ANXA4: variants seen among roughly 807,000 people sequenced by gnomAD.
ANXA4 encodes 35-beta calcimedin.
In ANXA4, 39 loss-of-function variants were observed where a neutral mutation model predicts 49.8. The ratio of observed to expected loss-of-function variants is 0.78; its 90% CI spans 0.61 to 1.02. The LOEUF (loss-of-function observed/expected upper bound fraction) is 1.02, where lower values mean the gene tolerates loss of function less well. ANXA4 is among the 50% of genes least tolerant of loss of function. ANXA4 has a pLI of 0.00. For synonymous variants in ANXA4, 134 were observed against 152.5 expected, an observed-to-expected ratio of 0.88 and a Z score of 0.89; for missense variants, 360 against 410.1, an observed-to-expected ratio of 0.88 and a Z score of 1.05.
chr2:69,707,532 G>A (rs374984314), intron 2 of ANXA4, among the ~76,000 whole-genome samples: 194 of 152,140 alleles, frequency 1.3e-3, no homozygotes, highest in African/African-American at 4.7e-3. Context: ...TCTCATAACC[G>A]TGGAACCCCA....
chr2:69,744,330 AAAAC>A (rs1670527198), intron 1 of ANXA4, among the ~76,000 whole-genome samples: 1 of 152,156 alleles, frequency 6.6e-6, no homozygotes, highest in Non-Finnish European at 1.5e-5. Flanking sequence ...CAAACAAACA[AAAAC>A]AAGAGGAGGA....
At chr2:69,754,213 C>T (rs994121518) in intron 1 of ANXA4, among the ~76,000 whole-genome samples, 9 of 152,234 alleles carry the variant, frequency 5.9e-5, no homozygotes, top group African/African-American at 1.9e-4. Flanking sequence ...TTATAACTTC[C>T]CCCATTAACA....
intron 3 of ANXA4, among the ~76,000 whole-genome samples, chr2:69,792,799 A>C (rs1297542279): frequency 6.6e-6 from 1 of 152,204 alleles, no homozygotes; most frequent in Non-Finnish European, 1.5e-5. Flanking sequence ...AGTAATTTTT[A>C]ACTTTAATGT....
intron 2 of ANXA4, among the ~76,000 whole-genome samples, chr2:69,661,231 A>G (rs1290125853): frequency 1.3e-5 from 2 of 152,030 alleles, no homozygotes; most frequent in Non-Finnish European, 2.9e-5. Flanking sequence ...CAAAAAAAAA[A>G]AAAAAAGCTG....
intron 1 of ANXA4, among the ~76,000 whole-genome samples, chr2:69,749,802 ATAATCCCAGC>A (rs1294502995): frequency 7.9e-5 from 12 of 151,880 alleles, no homozygotes. Context: ...GTGCACGCAC[ATAATCCCAGC>A]TTCTAGGGAG....
At chr2:69,718,802 TACAC>T (rs200921932) in intron 2 of ANXA4, among the ~76,000 whole-genome samples, 15 of 151,784 alleles carry the variant, frequency 9.9e-5, no homozygotes, top group South Asian at 4.2e-4. Flanking sequence ...CATACGTGCA[TACAC>T]ACACATGCTG....
rs148266813 is a variant in ANXA4 at position 69,694,087 on chromosome 2, C to G, written n.767-26687C>G. Among the ~76,000 whole-genome samples the G allele has an allele frequency of 4.6e-3, 698 of 152,284 alleles. 5 individuals carry two copies. Among genetic ancestry groups the G allele is most frequent in the Middle Eastern group, 0.031 (9 of 294 alleles). ...AACACTGTTTACCAGTTGCTATGGTCTGAATGTTTGTGTCTCCCCTCAACC... is the reference window on the plus strand; with the variant it reads ...AACACTGTTTACCAGTTGCTATGGTGTGAATGTTTGTGTCTCCCCTCAACC... On this transcript the variant is annotated intron_variant and non_coding_transcript_variant, in intron 2 of 3. Coordinates refer to the ANXA4 transcript ENST00000418066.
intron 1 of ANXA4, among the ~76,000 whole-genome samples, chr2:69,753,329 A>C (rs1670926303): frequency 6.6e-6 from 1 of 152,176 alleles, no homozygotes; most frequent in Non-Finnish European, 1.5e-5. Context: ...TCTTATGAGG[A>C]GAATGCCAGG....
intron 1 of ANXA4, among the ~76,000 whole-genome samples, chr2:69,645,371 G>A (rs1446320060): frequency 2.0e-5 from 3 of 152,186 alleles, no homozygotes; most frequent in African/African-American, 7.2e-5. Context: ...CTAAGCCCAC[G>A]AAGGCATGTT....
At chr2:69,692,700 C>A (rs1350347124) in intron 2 of ANXA4, among the ~76,000 whole-genome samples, 3 of 152,098 alleles carry the variant, frequency 2.0e-5, no homozygotes, top group Non-Finnish European at 4.4e-5. Context: ...AACTGAGGCC[C>A]AAAGGATTTC....
At chr2:69,725,547 A>G (rs925810470) in intron 3 of ANXA4, among the ~76,000 whole-genome samples, 3 of 152,136 alleles carry the variant, frequency 2.0e-5, no homozygotes, top group Non-Finnish European at 4.4e-5. Context: ...TGAGTTTAAT[A>G]AATGTATACA....
At chr2:69,764,844 A>C (rs770166689) in intron 1 of ANXA4, among the ~76,000 whole-genome samples, 2 of 151,838 alleles carry the variant, frequency 1.3e-5, no homozygotes, top group Non-Finnish European at 2.9e-5. Flanking sequence ...TTTAGCTGTA[A>C]CTCCCTCTTC....
At chr2:69,820,379 G>C (rs933945327) in intron 11 of ANXA4, among the ~76,000 whole-genome samples, 3 of 152,122 alleles carry the variant, frequency 2.0e-5, no homozygotes, top group Admixed American at 2.0e-4. Context: ...GGGTGATAAG[G>C]CTGGGGAGGG....
chr2:69,664,332 A>C (rs1676855169), intron 2 of ANXA4, among the ~76,000 whole-genome samples: 1 of 152,218 alleles, frequency 6.6e-6, no homozygotes, highest in African/African-American at 2.4e-5. Flanking sequence ...AAATCAAGAA[A>C]GCTTTTGTGT....
chr2:69,759,220 G>T (rs181814621), intron 1 of ANXA4, among the ~76,000 whole-genome samples: 2 of 151,764 alleles, frequency 1.3e-5, no homozygotes, highest in African/African-American at 2.4e-5. Context: ...TCAGTTTGAT[G>T]GATGACTATA....
chr2:69,732,261 G>A (rs1485253184), intron 3 of ANXA4, among the ~76,000 whole-genome samples: 1 of 151,620 alleles, frequency 6.6e-6, no homozygotes, highest in Non-Finnish European at 1.5e-5. Flanking sequence ...ACAGGCGTGA[G>A]CCACCGCGCC....
intron 2 of ANXA4, among the ~76,000 whole-genome samples, chr2:69,718,747 ACATG>A: frequency 6.8e-6 from 1 of 148,076 alleles, no homozygotes; most frequent in African/African-American, 2.7e-5. Context: ...GCACACACAT[ACATG>A]CATACACACA....
Position 69,708,372 on chromosome 2 carries a change from G to A in ANXA4, n.767-12402G>A, listed in dbSNP as rs72838001. On this transcript the variant is annotated intron_variant and non_coding_transcript_variant, in intron 2 of 3. Coordinates refer to the ANXA4 transcript ENST00000418066. ...AGGATAAAGACCATTAGAATTGTTC[G>A]GTCAGTGGTCCGTAACAGTTAAGTA... is the stretch of plus-strand genomic sequence containing the variant. Among the ~76,000 whole-genome samples, 860 of 152,260 alleles carry A rather than the reference G, an allele frequency of 5.6e-3. 4 individuals carry two copies. The highest frequency in any genetic ancestry group is 9.1e-3 in the Non-Finnish European group (616 of 68,018).
chr2:69,754,730 A>G lies in ANXA4; in HGVS notation c.-47+12555A>G, dbSNP rs1293112792. ...AAATGATACTGATCTGGGTTTATTG[A>G]AAAGATGATATAATAGGATTTTATC... On this transcript the variant is annotated intron_variant, in intron 1 of 12. Coordinates refer to ENST00000394295, the MANE Select transcript of ANXA4 (RefSeq NM_001153.5). 2.0e-5 allele frequency among the ~76,000 whole-genome samples: 3 copies of G among 152,338 alleles called. No individual in the cohort carries two copies. In the East Asian group the frequency reaches 5.8e-4, roughly 29 times the overall value.
Sources: gnomAD v4.1 joint callset for allele counts (sites outside exome capture counted in the v4.1 genomes callset) on GRCh38, gnomAD v4.1.1 for gene constraint, MANE v1.5 for transcripts, NCBI Gene and HGNC (gene_info 2026-07-23, HGNC 2026-07-21) for gene names.